The following GRK6 variants were observed in gnomAD, a reference collection of about 807,000 sequenced individuals.
The protein encoded by GRK6 is G protein-coupled receptor kinase 6.
In GRK6, 37 loss-of-function variants were observed where a neutral mutation model predicts 80.8. That is an observed-to-expected ratio of 0.46 (90% CI 0.35 to 0.60). The LOEUF is 0.60. Ranked by LOEUF, GRK6 falls within the 20% of genes least tolerant of loss-of-function variation. The pLI is 0.00. For missense variants in GRK6, 560 were observed against 784.6 expected (o/e 0.71, Z 3.42); for synonymous variants, 295 against 320.9 (o/e 0.92, Z 0.86).
intron 6 of GRK6, 54 bp downstream of exon 6, chr5:177,433,293 A>T (rs1038386304): frequency 1.7e-5 from 28 of 1,613,596 alleles, no homozygotes; most frequent in Admixed American, 1.0e-4. Context: ...GGTTCTTCAT[A>T]GGCCTTGGGC....
At position 177,435,296 on chromosome 5, in the gene GRK6, C is replaced by T. The variant is rs772083327; in HGVS notation, c.1057+175C>T. On this transcript the variant is annotated intron_variant, in intron 11 of 15. Transcript: ENST00000355472. ...ACCAAGACTCAGCCGGGGCCGCACA[C>T]AGTTGTGAAGCCATGTCGTTCATTT... Among the ~76,000 whole-genome samples the T allele has an allele frequency of 3.7e-4, 56 of 152,276 alleles. 1 individual carries two copies. The highest frequency in any genetic ancestry group is 7.3e-5 in the Non-Finnish European group (5 of 68,044).
chr5:177,433,040 G>C, intron 5 of GRK6, 107 bp from the exon 6 acceptor site: 1 of 1,009,076 alleles, frequency 9.9e-7, no homozygotes, highest in Non-Finnish European at 1.6e-6. Flanking sequence ...GGCCGACGAC[G>C]ATACCTGTGG....
chr5:177,440,743 T>C lies in GRK6; in HGVS notation c.1448T>C (p.Phe483Ser). ...AAGGATGTTCTGGACATTGAACAGT[T>C]CTCTACGGTCAAGGGCGTGGAGCTG... ...YCKDVLDIEQFSTVKGVELEP... is the reference protein window; with the variant it reads ...YCKDVLDIEQSSTVKGVELEP... The change falls in exon 14 of 16, where the codon TTC becomes TCC. Residue 483 changes from phenylalanine (F) to serine (S), a missense_variant. Around this residue, in one of 3 missense-constraint regions of GRK6, gnomAD observed 294 missense variants for 397.4 expected, o/e 0.74. Transcript: ENST00000355472. 6.2e-7 allele frequency: 1 copy of C among 1,614,174 alleles called. No homozygotes were observed. Among genetic ancestry groups the C allele is most frequent in the Non-Finnish European group, 8.5e-7 (1 of 1,180,024 alleles).
upstream of GRK6, among the ~76,000 whole-genome samples, chr5:177,426,244 G>A (rs188076720): frequency 6.6e-6 from 1 of 152,330 alleles, no homozygotes; most frequent in East Asian, 1.9e-4. Flanking sequence ...CCCTAGAAAA[G>A]CCGTCTGCGA....
upstream of GRK6, among the ~76,000 whole-genome samples, chr5:177,426,130 C>A (rs975494624): frequency 6.6e-6 from 1 of 152,216 alleles, no homozygotes; most frequent in Non-Finnish European, 1.5e-5. Context: ...TGTGCGCCCT[C>A]CTGATTGGGG....
chr5:177,441,206 C>T (rs766003195), intron 15 of GRK6, 153 bp downstream of exon 15: 5 of 1,486,980 alleles, frequency 3.4e-6, no homozygotes, highest in Non-Finnish European at 2.8e-6. Context: ...GCCTGTCCCC[C>T]ACCCCTGGCT....
At position 177,434,076 on chromosome 5, in the gene GRK6, G is replaced by A. The variant is rs1306292755; in HGVS notation, c.901G>A (p.Asp301Asn). 6.3e-7 allele frequency: 1 copy of A among 1,599,214 alleles called. No individual in the cohort carries two copies. Among genetic ancestry groups the A allele is most frequent in the South Asian group, 1.1e-5 (1 of 89,840 alleles). ...YAAEICCGLE[D>N]LHRERIVYRD... is the part of the protein sequence containing the mutation. ...CGCCGAGATCTGCTGTGGCCTGGAG[G>A]ACCTGCACCGGGAGCGCATCGTGTA... is the stretch of plus-strand genomic sequence containing the variant. The change falls in exon 9 of 16, where the codon GAC becomes AAC. Residue 301 changes from aspartate to asparagine, a missense_variant. Physicochemically the swap from Asp to Asn is conservative, Grantham distance 23. Around this residue, in one of 3 missense-constraint regions of GRK6, gnomAD observed 294 missense variants for 397.4 expected, o/e 0.74. Transcript: ENST00000355472.
chr5:177,439,318 C>T (rs1764335650), intron 13 of GRK6, among the ~76,000 whole-genome samples: 1 of 152,164 alleles, frequency 6.6e-6, no homozygotes, highest in East Asian at 1.9e-4. Context: ...GTGAGTGGAT[C>T]ACCTGAGGTC....
chr5:177,433,518 CT>C lies in GRK6; in HGVS notation c.598-17del, dbSNP rs772777416. The C allele has an allele frequency of 3.1e-6, 5 of 1,613,680 alleles. No homozygotes were observed. Among genetic ancestry groups the C allele is most frequent in the East Asian group, 2.2e-5 (1 of 44,888 alleles). Reference sequence around the variant, plus strand: ...TGGCACAGCTGGCCCCCATTCGCCCCTGTCTGTCTGGCCACAGGTGTGCGCC... The same window carrying C: ...TGGCACAGCTGGCCCCCATTCGCCCCGTCTGTCTGGCCACAGGTGTGCGCC... On this transcript the variant is annotated splice_polypyrimidine_tract_variant and intron_variant, in intron 7 of 15. Transcript: ENST00000355472.
intron 13 of GRK6, among the ~76,000 whole-genome samples, chr5:177,440,440 G>T (rs1936035118): frequency 6.6e-6 from 1 of 152,270 alleles, no homozygotes; most frequent in South Asian, 2.1e-4. Flanking sequence ...CGAAGGAGGT[G>T]CCTGGCATTG....
chr5:177,429,408 T>G lies in GRK6; in HGVS notation c.53-1464T>G, dbSNP rs920862930. 6.8e-6 allele frequency among the ~76,000 whole-genome samples: 1 copy of G among 147,300 alleles called. No individual in the cohort carries two copies. Among genetic ancestry groups the G allele is most frequent in the Non-Finnish European group, 1.5e-5 (1 of 66,866 alleles). On this transcript the variant is annotated intron_variant, in intron 1 of 15. Coordinates refer to ENST00000355472, the MANE Select transcript of GRK6 (RefSeq NM_001004106.3). The surrounding 1 kb of genome is among the most constrained non-coding windows in gnomAD (Gnocchi z 4.3). ...GGGGGGAGGAGGAAGTAACTGAGGG[T>G]GGGAGGCTGGCGGATGGAGGGTTGG...
At position 177,436,226 on chromosome 5, in the gene GRK6, T is replaced by A. The variant is rs201683213; in HGVS notation, c.1211T>A (p.Val404Asp). 1.9e-5 allele frequency: 30 copies of A among 1,604,856 alleles called. No individual in the cohort carries two copies. The highest frequency in any genetic ancestry group is 2.1e-5 in the Non-Finnish European group (25 of 1,172,650). Residue 404 changes from valine (V) to aspartate (D), a missense_variant, in exon 12 of 16, where the codon GTC (valine) becomes GAC (aspartate). This residue lies in a region of GRK6 where 294 missense variants were observed against 397.4 expected (regional missense o/e 0.74). Coordinates refer to ENST00000355472, the MANE Select transcript of GRK6 (RefSeq NM_001004106.3). ...REEVERLVKE[V>D]PEEYSERFSP... ...GAGGTGGAGCGGCTGGTGAAGGAGG[T>A]CCCCGAGGAGTATTCCGAGCGCTTT...
chr5:177,426,979 C>A, intron 1 of GRK6, 82 bp downstream of exon 1: 2 of 958,360 alleles, frequency 2.1e-6, no homozygotes, highest in South Asian at 3.1e-5. Context: ...GCTACCCAGC[C>A]GTCGGATCCC....
chr5:177,442,350 G>A lies in GRK6; in HGVS notation c.*560G>A, dbSNP rs1230556945. 1.2e-5 allele frequency: 2 copies of A among 160,444 alleles called. No homozygotes were observed. The highest frequency in any genetic ancestry group is 4.8e-5 in the African/African-American group (2 of 41,514). The allele number at this position is 160,444 out of a possible 1,614,324, so 9.9% of individuals were successfully genotyped here. A position where few individuals can be genotyped will look rare whatever the true frequency, so the allele number is the denominator to read the frequency against. On this transcript the variant is annotated 3_prime_UTR_variant, in exon 16 of 16. Transcript: ENST00000355472. ...TCCCTTCTCAGTGCTTGTCAGCGCTGGGTCTGGGGCCTCTGTATGCCCTAG... is the reference window on the plus strand; with the variant it reads ...TCCCTTCTCAGTGCTTGTCAGCGCTAGGTCTGGGGCCTCTGTATGCCCTAG...
Position 177,429,174 on chromosome 5 carries a change from C to CTG in GRK6, c.53-1698_53-1697insTG, listed in dbSNP as rs1561651295. On this transcript the variant is annotated intron_variant, in intron 1 of 15. Coordinates refer to ENST00000355472, the MANE Select transcript of GRK6 (RefSeq NM_001004106.3). This position sits in a 1 kb window ranked among gnomAD's most constrained non-coding sequence, Gnocchi z 4.3. ...TCATATAAAATTGGGCCTGCTCTGG[C>CTG]AGAGTTGCTGTGAGGATGGAGTGGG... Among the ~76,000 whole-genome samples, 1 of 152,114 alleles carries CTG rather than the reference C, an allele frequency of 6.6e-6. No individual in the cohort carries two copies. The highest frequency in any genetic ancestry group is 1.5e-5 in the Non-Finnish European group (1 of 68,020).
At chr5:177,432,601 G>A in intron 4 of GRK6, 105 bp from the exon 5 acceptor site, 1 of 827,248 alleles carries the variant, frequency 1.2e-6, no homozygotes. Flanking sequence ...ACCCTGGCCT[G>A]CAGCCTCTCA....
rs1258878652 is a variant in GRK6, at chr5:177,432,317, G to A, written c.339+7G>A. 3 of 1,611,874 alleles carry A rather than the reference G, an allele frequency of 1.9e-6. No individual in the cohort carries two copies. The highest frequency in any genetic ancestry group is 1.1e-5 in the South Asian group (1 of 90,980). On this transcript the variant is annotated splice_region_variant and intron_variant, in intron 4 of 15. Transcript: ENST00000355472. ...GAATTTTCTGAGCCACACGGTGAGT[G>A]AGCAGCGATGGAGAGATGATGGGAG...
Position 177,434,936 on chromosome 5 carries a change from C to T in GRK6, c.964C>T (p.His322Tyr). The T allele has an allele frequency of 6.2e-7, 1 of 1,613,718 alleles. No homozygotes were observed. The highest frequency in any genetic ancestry group is 8.5e-7 in the Non-Finnish European group (1 of 1,179,878). ...LKPENILLDDHGHIRISDLGL... is the reference protein window; with the variant it reads ...LKPENILLDDYGHIRISDLGL... ...GCCCGAGAACATCTTGCTGGATGAC[C>T]ACGGTGTGTAAGGGTGCCTGGGGTG... Residue 322 changes from histidine to tyrosine, a missense_variant, in exon 10 of 16, where the codon CAC (histidine) becomes TAC (tyrosine). By Grantham distance (83) the His-to-Tyr change is moderately conservative. Around this residue, in one of 3 missense-constraint regions of GRK6, gnomAD observed 294 missense variants for 397.4 expected, o/e 0.74. Transcript: ENST00000355472.
upstream of GRK6, among the ~76,000 whole-genome samples, chr5:177,425,729 C>T (rs951531651): frequency 6.6e-6 from 1 of 152,234 alleles, no homozygotes; most frequent in Non-Finnish European, 1.5e-5. Flanking sequence ...CTAGATGGAT[C>T]CGGCTCTGCC....
Sources: allele counts gnomAD v4.1 joint callset (sites outside exome capture counted in the v4.1 genomes callset), GRCh38; gene constraint gnomAD v4.1.1; regional missense constraint gnomAD v4.1.1; non-coding constraint Gnocchi (gnomAD v3.1); transcripts MANE v1.5; gene names NCBI Gene and HGNC (gene_info 2026-07-23, HGNC 2026-07-21).